Variants in EPAS1 observed in about 807,000 individuals in gnomAD.
The protein encoded by EPAS1 is endothelial PAS domain protein 1, also known as endothelial PAS domain-containing protein 1.
A neutral mutation model predicts 87.9 loss-of-function variants in EPAS1; 23 were observed. The ratio of observed to expected loss-of-function variants is 0.26; its 90% confidence interval spans 0.19 to 0.37. EPAS1 has a LOEUF of 0.37. Ranked by LOEUF, EPAS1 falls within the 10% of genes least tolerant of loss-of-function variation. EPAS1 has a pLI of 1.00. For missense variants in EPAS1, 1,138 were observed against 1,120.7 expected (o/e 1.02, Z -0.22); for synonymous variants, 508 against 444.3 (o/e 1.14, Z -1.80).
chr2:46,324,414 GC>G (rs1199753329), intron 1 of EPAS1, among the ~76,000 whole-genome samples: 1 of 152,148 alleles, frequency 6.6e-6, no homozygotes, highest in African/African-American at 2.4e-5. Context: ...TCTTAGCAAG[GC>G]CCATGGGCAA....
At chr2:46,381,530 A>G (rs1684890727) in intron 12 of EPAS1, 66 bp from the exon 13 acceptor site, 2 of 1,612,396 alleles carry the variant, frequency 1.2e-6, no homozygotes, top group Admixed American at 1.7e-5. Context: ...GGCCCCTAAG[A>G]TGAGAAGGCA....
rs530980473 is a variant in EPAS1 at position 46,306,794 on chromosome 2, T to A, written c.26+8857T>A. Among the ~76,000 whole-genome samples, 30 of 152,332 alleles carry A rather than the reference T, an allele frequency of 2.0e-4. 1 individual carries two copies. The highest frequency in any genetic ancestry group is 3.7e-4 in the Non-Finnish European group (25 of 68,028). On this transcript the variant is annotated intron_variant, in intron 1 of 15. Coordinates refer to ENST00000263734, the MANE Select transcript of EPAS1 (RefSeq NM_001430.5). ...TCAAGACAAGATTTTAAAAATCACA[T>A]ATATCAAATATATGGGGAAATGAGA...
intron 2 of EPAS1, among the ~76,000 whole-genome samples, chr2:46,354,104 C>T (rs977215899): frequency 1.3e-5 from 2 of 152,204 alleles, no homozygotes; most frequent in South Asian, 4.1e-4. Flanking sequence ...TGAGGAATAA[C>T]AGCAGGTAAC....
chr2:46,302,118 C>CTCTCTGTGTGTGTGTG (rs35925160), intron 1 of EPAS1, among the ~76,000 whole-genome samples: 15 of 127,578 alleles, frequency 1.2e-4, no homozygotes, highest in Non-Finnish European at 1.7e-4. Context: ...CTCTTTCTCT[C>CTCTCTGTGTGTGTGTG]TGTGTGTGTG....
chr2:46,298,887 C>T (rs1194528813), intron 1 of EPAS1, among the ~76,000 whole-genome samples: 1 of 152,240 alleles, frequency 6.6e-6, no homozygotes, highest in Non-Finnish European at 1.5e-5. Flanking sequence ...TGCGGCTCGC[C>T]GCCTGTCCCC....
intron 1 of EPAS1, among the ~76,000 whole-genome samples, chr2:46,324,183 C>G (rs1683508944): frequency 6.6e-6 from 1 of 152,198 alleles, no homozygotes; most frequent in Non-Finnish European, 1.5e-5. Flanking sequence ...TCTCCTTCCT[C>G]ACCCTCCTGA....
At chr2:46,314,128 C>T (rs1451893627) in intron 1 of EPAS1, among the ~76,000 whole-genome samples, 1 of 152,190 alleles carries the variant, frequency 6.6e-6, no homozygotes, top group African/African-American at 2.4e-5. Context: ...TTTCCACAGA[C>T]CCATGCTGTC....
At position 46,373,955 on chromosome 2, in the gene EPAS1, T is replaced by C. The variant is rs1684679045; in HGVS notation, c.887-1735T>C. Among the ~76,000 whole-genome samples the C allele has an allele frequency of 2.0e-5, 3 of 152,336 alleles. No individual in the cohort carries two copies. In the South Asian group the frequency reaches 6.2e-4, roughly 32 times the overall value. On this transcript the variant is annotated intron_variant, in intron 7 of 15. Coordinates refer to ENST00000263734, the MANE Select transcript of EPAS1 (RefSeq NM_001430.5). ...AGTGGGAATAACAACAGGCACCCCATGGTGTTGCCTATGAAATGCAGTGAT... is the reference window on the plus strand; with the variant it reads ...AGTGGGAATAACAACAGGCACCCCACGGTGTTGCCTATGAAATGCAGTGAT...
Position 46,376,866 on chromosome 2 carries a change from C to G in EPAS1, c.1249+113C>G, listed in dbSNP as rs1684763048. The G allele has an allele frequency of 7.3e-6, 8 of 1,091,874 alleles. No homozygotes were observed. The South Asian group carries it at 8.0e-5, about 11-fold the overall frequency. The allele number at this position is 1,091,874 out of a possible 1,614,324, so 67.6% of individuals were successfully genotyped here. ...TTTTTCTTAACCAGAGCTACCCCAG[C>G]CCCCCAAGTCTTGTTAATCACCTGT... On this transcript the variant is annotated intron_variant, in intron 9 of 15. Transcript: ENST00000263734.
intron 1 of EPAS1, among the ~76,000 whole-genome samples, chr2:46,325,540 G>A (rs745526489): frequency 5.3e-5 from 8 of 152,134 alleles, no homozygotes; most frequent in Non-Finnish European, 8.8e-5. Flanking sequence ...TGAGAATCCA[G>A]GCGGGATAAG....
chr2:46,322,356 C>T (rs1030396705), intron 1 of EPAS1, among the ~76,000 whole-genome samples: 1 of 152,204 alleles, frequency 6.6e-6, no homozygotes, highest in African/African-American at 2.4e-5. Flanking sequence ...CTACATCAGT[C>T]ATGACTGATA....
chr2:46,320,549 A>G (rs1263335511), intron 1 of EPAS1, among the ~76,000 whole-genome samples: 8 of 152,262 alleles, frequency 5.3e-5, no homozygotes, highest in Non-Finnish European at 1.2e-4. Context: ...GCAAACCTTC[A>G]TTAACGGAAA....
rs1193796005 is a variant in EPAS1 at position 46,360,507 on chromosome 2, C to T, written c.455-131C>T. 1 of 807,680 alleles carries T rather than the reference C, an allele frequency of 1.2e-6. No individual in the cohort carries two copies. The highest frequency in any genetic ancestry group is 1.7e-5 in the African/African-American group (1 of 59,278). The allele number at this position is 807,680 out of a possible 1,614,324, so 50.0% of individuals were successfully genotyped here. On this transcript the variant is annotated intron_variant, in intron 4 of 15. Transcript: ENST00000263734. This position sits in a 1 kb window ranked among gnomAD's most constrained non-coding sequence, Gnocchi z 4.5. Reference sequence around the variant, plus strand: ...GGAGCTCAGTGTTGATGGCAGACCACAGGTGCTAAGAGAGCAGATATTTGG... The same window carrying T: ...GGAGCTCAGTGTTGATGGCAGACCATAGGTGCTAAGAGAGCAGATATTTGG...
chr2:46,340,687 TG>T (rs1389208295), intron 1 of EPAS1, among the ~76,000 whole-genome samples: 3 of 152,236 alleles, frequency 2.0e-5, no homozygotes, highest in Non-Finnish European at 4.4e-5. Context: ...CAGCTCCTCC[TG>T]AATTTGCTAA....
chr2:46,313,334 C>G (rs747189165), intron 1 of EPAS1, among the ~76,000 whole-genome samples: 4 of 152,118 alleles, frequency 2.6e-5, no homozygotes, highest in South Asian at 2.1e-4. Flanking sequence ...GCCTTCAGGT[C>G]TCAGCTTAAA....
chr2:46,380,667 G>A lies in EPAS1; in HGVS notation c.1995G>A (p.Ala665=), dbSNP rs755779444. 110 of 1,613,804 alleles carry A rather than the reference G, an allele frequency of 6.8e-5. No individual in the cohort carries two copies. Among genetic ancestry groups the A allele is most frequent in the East Asian group, 2.0e-4 (9 of 44,888 alleles). Residue 665 remains alanine (A), a synonymous_variant, in exon 12 of 16, where the codon GCG becomes GCA. Coordinates refer to ENST00000263734, the MANE Select transcript of EPAS1 (RefSeq NM_001430.5). The surrounding 1 kb of genome is among the most constrained non-coding windows in gnomAD (Gnocchi z 4.4). ...AGCGCACAGAGTTCTTGGGAGCAGC[G>A]CCGTTGGGGCCCCCTGTCTCTCCAC... The part of the protein sequence containing the change: ...GDQRTEFLGA[A]PLGPPVSPPH...
intron 1 of EPAS1, among the ~76,000 whole-genome samples, chr2:46,314,235 G>A (rs57841627): frequency 0.041 from 6,275 of 152,272 alleles, 451 homozygotes; most frequent in African/African-American, 0.14. Context: ...TGTGTTGGTG[G>A]CGTCTGGAAA....
intron 1 of EPAS1, among the ~76,000 whole-genome samples, chr2:46,319,841 A>G (rs989540595): frequency 2.0e-5 from 3 of 152,208 alleles, no homozygotes; most frequent in African/African-American, 7.2e-5. Flanking sequence ...CTGTTTAGTC[A>G]AGACAAATCG....
intron 1 of EPAS1, among the ~76,000 whole-genome samples, chr2:46,327,100 C>T (rs1192521373): frequency 6.6e-6 from 1 of 152,186 alleles, no homozygotes; most frequent in African/African-American, 2.4e-5. Flanking sequence ...GAGCTAGTGA[C>T]TTACAACCTC....
Sources: allele counts gnomAD v4.1 joint callset (sites outside exome capture counted in the v4.1 genomes callset), GRCh38; gene constraint gnomAD v4.1.1; non-coding constraint Gnocchi (gnomAD v3.1); transcripts MANE v1.5; gene names NCBI Gene and HGNC (gene_info 2026-07-23, HGNC 2026-07-21).